The following MYH1 variants were observed in gnomAD, a reference collection of about 807,000 sequenced individuals.
The protein encoded by MYH1 is myosin heavy chain 1.
Under a neutral mutation model 225.6 loss-of-function variants are expected in MYH1, and 214 were observed. The observed-to-expected ratio is 0.95, with a 90% CI of 0.85 to 1.06. The LOEUF is 1.06. Among genes scored for constraint, MYH1 ranks in the 50% least tolerant of loss-of-function variants. The pLI, the probability that MYH1 is intolerant of heterozygous loss-of-function variation, is 0.00. For synonymous variants in MYH1, 774 were observed against 842.3 expected (o/e 0.92, Z 1.40); for missense variants, 2,098 against 2,344.2 (o/e 0.89, Z 2.17).
Position 10,500,667 on chromosome 17 carries a change from T to C in MYH1, c.3824A>G (p.Asn1275Ser). Residue 1275 changes from asparagine to serine, a missense_variant, in exon 28 of 40, where the codon AAT becomes AGT. Physicochemically the swap from Asn to Ser is conservative, Grantham distance 46 (BLOSUM62 1). Transcript: ENST00000226207. ...TKEEEQQRLINDLTAQRARLQ... is the reference protein window; with the variant it reads ...TKEEEQQRLISDLTAQRARLQ... ...GCGCGCTCTCTGTGCTGTGAGGTCA[T>C]TGATCAGCCGCTGCTGCTCCTCTTC... 6.2e-7 allele frequency: 1 copy of C among 1,614,068 alleles called. No individual in the cohort carries two copies. The highest frequency in any genetic ancestry group is 8.5e-7 in the Non-Finnish European group (1 of 1,180,038).
chr17:10,492,854 T>G lies in MYH1; in HGVS notation c.5668-286A>C, dbSNP rs555414791. Reference sequence around the variant, plus strand: ...GCCAGGTGTCCAGCTTTGTTTTTTTTTTTGTTTGTTTGTTTGTTTTTTTCA... The same window carrying G: ...GCCAGGTGTCCAGCTTTGTTTTTTTGTTTGTTTGTTTGTTTGTTTTTTTCA... On this transcript the variant is annotated intron_variant, in intron 39 of 39. Transcript: ENST00000226207. Among the ~76,000 whole-genome samples the G allele has an allele frequency of 3.8e-3, 578 of 151,996 alleles. 2 individuals carry two copies. The highest frequency in any genetic ancestry group is 0.013 in the African/African-American group (520 of 41,472).
At chr17:10,518,317 C>T (rs1218073895) in intron 1 of MYH1, 47 bp from the exon 2 acceptor site, 1 of 152,116 alleles carries the variant, frequency 6.6e-6, no homozygotes, top group Non-Finnish European at 1.5e-5. Flanking sequence ...ATAACAATTC[C>T]CGATTATAGA....
intron 14 of MYH1, among the ~76,000 whole-genome samples, chr17:10,510,926 AT>A (rs1204778454): frequency 1.3e-5 from 2 of 151,772 alleles, no homozygotes; most frequent in East Asian, 3.9e-4. Flanking sequence ...TATGTTAATT[AT>A]ATCTCGATAA....
At chr17:10,511,652 G>T (rs537813206) in intron 14 of MYH1, among the ~76,000 whole-genome samples, 187 bp downstream of exon 14, 6 of 152,230 alleles carry the variant, frequency 3.9e-5, no homozygotes, top group Non-Finnish European at 7.4e-5. Context: ...TTTGAATCCA[G>T]GTCTGTCTCA....
intron 19 of MYH1, 100 bp downstream of exon 19, chr17:10,505,707 ATCTTC>A: frequency 6.7e-7 from 1 of 1,487,852 alleles, no homozygotes; most frequent in Non-Finnish European, 9.2e-7. Context: ...AAGTGAGTTT[ATCTTC>A]TCTTCAATTT....
intron 30 of MYH1, 110 bp from the exon 31 acceptor site, chr17:10,498,027 C>T (rs1225250473): frequency 9.0e-7 from 1 of 1,114,332 alleles, no homozygotes; most frequent in Non-Finnish European, 1.2e-6. Context: ...CTTTGCTTCT[C>T]AAGCTTGTTT....
At chr17:10,495,881 T>G in intron 35 of MYH1, 69 bp downstream of exon 35, 1 of 1,580,142 alleles carries the variant, frequency 6.3e-7, no homozygotes. Flanking sequence ...TTCTTAATAG[T>G]ACCACGATTT....
intron 22 of MYH1, among the ~76,000 whole-genome samples, chr17:10,503,782 T>G (rs1337992447): frequency 6.6e-6 from 1 of 152,220 alleles, no homozygotes; most frequent in African/African-American, 2.4e-5. Context: ...TCATTCAAAC[T>G]TACATCCCTG....
In MYH1 at chr17:10,508,565, G is replaced by A; in HGVS notation, c.1695C>T (p.Asn565=). 2 of 1,614,166 alleles carry A rather than the reference G, an allele frequency of 1.2e-6. No individual in the cohort carries two copies. Among genetic ancestry groups the A allele is most frequent in the East Asian group, 2.2e-5 (1 of 44,874 alleles). Residue 565 remains asparagine (N), a synonymous_variant, in exon 16 of 40, where the codon AAC becomes AAT. Transcript: ENST00000226207. ...CTTTGGCAGGCTTGGGCTTCTGGAA[G>A]TTATTGGATTTTCCAAGATGTTGTT... ...LYEQHLGKSN[N]FQKPKPAKGK...
At position 10,509,569 on chromosome 17, in the gene MYH1, C is replaced by G; in HGVS notation, c.1503G>C (p.Gln501His). 6.2e-7 allele frequency: 1 copy of G among 1,614,210 alleles called. No homozygotes were observed. Among genetic ancestry groups the G allele is most frequent in the Non-Finnish European group, 8.5e-7 (1 of 1,180,046 alleles). The change falls in exon 15 of 40, where the codon CAG becomes CAC. Residue 501 changes from glutamine (Q) to histidine (H), a missense_variant. Transcript: ENST00000226207. ...CAATGCCTTCCTTCTTGTACTCCTC[C>G]TGCTCCAGCACGAACATGTGGTGGT... ...FFNHHMFVLE[Q>H]EEYKKEGIEW...
chr17:10,517,712 A>ATGTG (rs61289668), intron 2 of MYH1, among the ~76,000 whole-genome samples: 1 of 151,068 alleles, frequency 6.6e-6, no homozygotes, highest in African/African-American at 2.4e-5. Flanking sequence ...ATATATACAT[A>ATGTG]TGTGTGTGTG....
chr17:10,502,013 A>G, intron 24 of MYH1, 102 bp from the exon 25 acceptor site: 1 of 1,189,910 alleles, frequency 8.4e-7, no homozygotes, highest in Non-Finnish European at 1.2e-6. Flanking sequence ...CTATTTTTCT[A>G]TGAATTAGGC....
Position 10,497,305 on chromosome 17 carries a change from C to T in MYH1, c.4513G>A (p.Glu1505Lys). Residue 1505 changes from glutamate to lysine, a missense_variant, in exon 32 of 40, where the codon GAA (glutamate) becomes AAA (lysine). By Grantham distance (56) the Glu-to-Lys change is moderately conservative. Transcript: ENST00000226207. The stretch of plus-strand genomic sequence containing the variant: ...TTCTCACGTTGCAAATTCTTATTTT[C>T]CCGTTTCAAGGTTTCAAGTTGGTCT... Reference protein sequence around the residue: ...SLDQLETLKRENKNLQQEISD... With the variant: ...SLDQLETLKRKNKNLQQEISD... 1 of 1,601,886 alleles carries T rather than the reference C, an allele frequency of 6.2e-7. No individual in the cohort carries two copies. Among genetic ancestry groups the T allele is most frequent in the Non-Finnish European group, 8.5e-7 (1 of 1,177,046 alleles).
chr17:10,517,432 A>ATGTT (rs1179636452), intron 2 of MYH1, among the ~76,000 whole-genome samples: 2 of 152,170 alleles, frequency 1.3e-5, no homozygotes, highest in Non-Finnish European at 2.9e-5. Flanking sequence ...GTTATTACCT[A>ATGTT]TGTTTTCTTG....
chr17:10,507,000 C>T (rs957759427), intron 17 of MYH1, among the ~76,000 whole-genome samples: 7 of 152,094 alleles, frequency 4.6e-5, no homozygotes, highest in Non-Finnish European at 1.0e-4. Context: ...CTGGTTTTTC[C>T]GAATATCTAC....
rs1041175845 is a variant in MYH1, at chr17:10,512,606, T to C, written c.1009-60A>G. 3.1e-6 allele frequency: 5 copies of C among 1,612,012 alleles called. No individual in the cohort carries two copies. The African/African-American group carries it at 6.7e-5, about 21-fold the overall frequency. On this transcript the variant is annotated intron_variant, in intron 11 of 39. Transcript: ENST00000226207. ...ACAAGAGAATTTATACTGTATCTTT[T>C]ACACACATATAGATGGCTGTTATTG...
intron 38 of MYH1, 45 bp from the exon 39 acceptor site, chr17:10,494,494 T>C (rs1324726970): frequency 1.2e-6 from 2 of 1,609,880 alleles, no homozygotes; most frequent in East Asian, 2.2e-5. Flanking sequence ...AGTACAAATA[T>C]TACATTTTGT....
In MYH1 at chr17:10,508,555, G is replaced by A. The variant is rs199899730; in HGVS notation, c.1705C>T (p.Pro569Ser). ...TCAGGCTTGCCTTTGGCAGGCTTGG[G>A]CTTCTGGAAGTTATTGGATTTTCCA... ...HLGKSNNFQKPKPAKGKPEAH... is the reference protein window; with the variant it reads ...HLGKSNNFQKSKPAKGKPEAH... The change falls in exon 16 of 40, where the codon CCC (proline) becomes TCC (serine). Residue 569 changes from proline (P) to serine (S), a missense_variant. Transcript: ENST00000226207. 2 of 1,614,130 alleles carry A rather than the reference G, an allele frequency of 1.2e-6. No individual in the cohort carries two copies. Among genetic ancestry groups the A allele is most frequent in the Non-Finnish European group, 1.7e-6 (2 of 1,180,026 alleles).
rs764688032 is a variant in MYH1, at chr17:10,500,693, C to T, written c.3798G>A (p.Lys1266=). The change falls in exon 28 of 40, where the codon AAG becomes AAA. Residue 1266 remains lysine, a synonymous_variant. Coordinates refer to ENST00000226207, the MANE Select transcript of MYH1 (RefSeq NM_005963.4). ...LEDQLSEIKT[K]EEEQQRLIND... is the part of the protein sequence containing the mutation. ...TGATCAGCCGCTGCTGCTCCTCTTC[C>T]TTGGTCTTAATTTCACTCAGTTGAT... 19 of 1,614,136 alleles carry T rather than the reference C, an allele frequency of 1.2e-5. 1 individual carries two copies. In the South Asian group the frequency reaches 2.1e-4, roughly 18 times the overall value.
Sources: gnomAD v4.1 joint callset for allele counts (sites outside exome capture counted in the v4.1 genomes callset) on GRCh38, gnomAD v4.1.1 for gene constraint, MANE v1.5 for transcripts, NCBI Gene and HGNC (gene_info 2026-07-23, HGNC 2026-07-21) for gene names.